OSBPL5: variants seen among roughly 807,000 people sequenced by gnomAD.
OSBPL5 encodes the protein oxysterol binding protein like 5, also known as oxysterol-binding protein-related protein 5.
Under a neutral mutation model 111.2 loss-of-function variants are expected in OSBPL5, and 71 were observed. That is an observed-to-expected ratio of 0.64 (90% CI 0.53 to 0.78). The LOEUF is 0.78. Among genes scored for constraint, OSBPL5 ranks in the 30% least tolerant of loss-of-function variants. The pLI is 0.00. For synonymous variants in OSBPL5, 549 were observed against 513.9 expected (o/e 1.07, Z -0.93); for missense variants, 1,210 against 1,189.3 (o/e 1.02, Z -0.26).
At chr11:3,163,725 C>T (rs760239331) in intron 1 of OSBPL5, among the ~76,000 whole-genome samples, 9 of 152,208 alleles carry the variant, frequency 5.9e-5, no homozygotes, top group African/African-American at 9.7e-5. Context: ...GCTCCTCATC[C>T]GGCCTATCTG....
Position 3,104,471 on chromosome 11 carries a change from C to G in OSBPL5, c.1060-94G>C, listed in dbSNP as rs1590653692. 1.4e-6 allele frequency: 2 copies of G among 1,392,394 alleles called. No individual in the cohort carries two copies. Among genetic ancestry groups the G allele is most frequent in the Admixed American group, 2.3e-5 (1 of 43,970 alleles). The allele number at this position is 1,392,394 out of a possible 1,614,324, so 86.3% of individuals were successfully genotyped here. A position where few individuals can be genotyped will look rare whatever the true frequency, so the allele number is the denominator to read the frequency against. ...CAGCTCTGGCTGGAGGAGGCTGTAC[C>G]TGCCACCCCTTAGGGTGTAAACCCC... On this transcript the variant is annotated intron_variant, in intron 9 of 21. Coordinates refer to ENST00000263650, the MANE Select transcript of OSBPL5 (RefSeq NM_020896.4). This position sits in a 1 kb window ranked among gnomAD's most constrained non-coding sequence, Gnocchi z 5.0.
intron 1 of OSBPL5, among the ~76,000 whole-genome samples, chr11:3,155,008 G>C (rs990303997): frequency 1.3e-5 from 2 of 152,308 alleles, no homozygotes; most frequent in East Asian, 3.9e-4. Context: ...ATAAAAAGAG[G>C]AGATGAGGAC....
chr11:3,114,525 G>T (rs1858133696), intron 7 of OSBPL5, among the ~76,000 whole-genome samples: 1 of 147,934 alleles, frequency 6.8e-6, no homozygotes, highest in African/African-American at 2.5e-5. Context: ...AATTATAATG[G>T]TCTTTCTAGA....
In OSBPL5 at chr11:3,105,395, G is replaced by A. The variant is rs771875179; in HGVS notation, c.1060-1018C>T. 4.7e-4 allele frequency among the ~76,000 whole-genome samples: 72 copies of A among 152,216 alleles called. No individual in the cohort carries two copies. The highest frequency in any genetic ancestry group is 9.7e-4 in the Non-Finnish European group (66 of 67,996). ...GGCACTGGCCCAGTGGACAGTGTGT[G>A]TGGACACCCAGGAGCCATGTCTGAC... On this transcript the variant is annotated intron_variant, in intron 9 of 21. Transcript: ENST00000263650. The surrounding 1 kb of genome is among the most constrained non-coding windows in gnomAD (Gnocchi z 5.2).
At chr11:3,093,426 C>G in intron 17 of OSBPL5, 101 bp downstream of exon 17, 1 of 1,506,968 alleles carries the variant, frequency 6.6e-7, no homozygotes, top group Non-Finnish European at 8.9e-7. Flanking sequence ...CTGCCAGGGA[C>G]ATCCTGGGGC....
At position 3,154,268 on chromosome 11, in the gene OSBPL5, C is replaced by G. The variant is rs985395070; in HGVS notation, c.-22+10948G>C. On this transcript the variant is annotated intron_variant, in intron 1 of 21. Transcript: ENST00000263650. This position sits in a 1 kb window ranked among gnomAD's most constrained non-coding sequence, Gnocchi z 4.9. ...GGAGAGCACGGCCCTGCGTGCAGCA[C>G]CTGCCAGTAGGTAGCAGGATGTGTC... is the stretch of plus-strand genomic sequence containing the variant. Among the ~76,000 whole-genome samples the G allele has an allele frequency of 6.6e-6, 1 of 152,256 alleles. No individual in the cohort carries two copies. The highest frequency in any genetic ancestry group is 1.9e-4 in the East Asian group (1 of 5,190).
intron 2 of OSBPL5, among the ~76,000 whole-genome samples, chr11:3,128,571 C>T (rs1858715401): frequency 6.6e-6 from 1 of 152,178 alleles, no homozygotes. Flanking sequence ...TCTCAGAGCC[C>T]AGGACCCATG....
chr11:3,113,608 C>T lies in OSBPL5; in HGVS notation c.692-5663G>A, dbSNP rs12284495. ...GGCAGAGGTAACAGTGAGCCAAGATCGCACCACTGCACTCCAGCCTGGGAG... is the reference window on the plus strand; with the variant it reads ...GGCAGAGGTAACAGTGAGCCAAGATTGCACCACTGCACTCCAGCCTGGGAG... On this transcript the variant is annotated intron_variant, in intron 7 of 21. Coordinates refer to ENST00000263650, the MANE Select transcript of OSBPL5 (RefSeq NM_020896.4). The surrounding 1 kb of genome is among the most constrained non-coding windows in gnomAD (Gnocchi z 4.8). 0.029 allele frequency among the ~76,000 whole-genome samples: 4,332 copies of T among 151,758 alleles called. 103 individuals carry two copies. The highest frequency in any genetic ancestry group is 0.068 in the Middle Eastern group (20 of 294).
chr11:3,161,805 G>A lies in OSBPL5; in HGVS notation c.-22+3411C>T, dbSNP rs1468007044. Among the ~76,000 whole-genome samples, 5 of 152,236 alleles carry A rather than the reference G, an allele frequency of 3.3e-5. No individual in the cohort carries two copies. The highest frequency in any genetic ancestry group is 9.6e-5 in the African/African-American group (4 of 41,454). On this transcript the variant is annotated intron_variant, in intron 1 of 21. Coordinates refer to ENST00000263650, the MANE Select transcript of OSBPL5 (RefSeq NM_020896.4). This position sits in a 1 kb window ranked among gnomAD's most constrained non-coding sequence, Gnocchi z 8.0. ...CTGCTTTGGAATGGGTAACGGGCCA[G>A]GAACAGAGACTCTCTCAGAGAGGCA... is the stretch of plus-strand genomic sequence containing the variant.
chr11:3,146,853 G>A lies in OSBPL5; in HGVS notation c.-21-17684C>T, dbSNP rs537036178. Among the ~76,000 whole-genome samples, 195 of 152,288 alleles carry A rather than the reference G, an allele frequency of 1.3e-3. No homozygotes were observed. Among genetic ancestry groups the A allele is most frequent in the African/African-American group, 4.6e-3 (192 of 41,556 alleles). On this transcript the variant is annotated intron_variant, in intron 1 of 21. Transcript: ENST00000263650. This position sits in a 1 kb window ranked among gnomAD's most constrained non-coding sequence, Gnocchi z 7.8. Reference sequence around the variant, plus strand: ...GATCCCCTTCGCCGTGGCTGGAGCTGGCGTTTCTATTTATGATTCGCCTCT... The same window carrying A: ...GATCCCCTTCGCCGTGGCTGGAGCTAGCGTTTCTATTTATGATTCGCCTCT...
intron 12 of OSBPL5, 114 bp from the exon 13 acceptor site, chr11:3,101,813 C>T (rs1857468426): frequency 2.3e-6 from 2 of 865,710 alleles, no homozygotes; most frequent in South Asian, 3.2e-5. Context: ...CATCTTCTCC[C>T]CCGATCCCAG....
At chr11:3,137,356 G>T (rs1339419667) in intron 1 of OSBPL5, among the ~76,000 whole-genome samples, 3 of 152,204 alleles carry the variant, frequency 2.0e-5, no homozygotes, top group Non-Finnish European at 4.4e-5. Context: ...CTGGGCCCTG[G>T]GGGGCTTGGG....
At chr11:3,122,175 G>A in intron 4 of OSBPL5, 77 bp from the exon 5 acceptor site, 1 of 1,458,912 alleles carries the variant, frequency 6.9e-7, no homozygotes, top group Non-Finnish European at 9.3e-7. Context: ...TCCAGCCCAG[G>A]GATGGGTCCA....
At chr11:3,123,776 G>A (rs1457449699) in intron 3 of OSBPL5, among the ~76,000 whole-genome samples, 1 of 152,242 alleles carries the variant, frequency 6.6e-6, no homozygotes, top group Non-Finnish European at 1.5e-5. Flanking sequence ...GGTGCTGCCT[G>A]TATTCATCCC....
intron 1 of OSBPL5, among the ~76,000 whole-genome samples, chr11:3,129,571 G>T (rs1271225814): frequency 6.6e-6 from 1 of 152,186 alleles, no homozygotes. Context: ...GGTGGGGAGG[G>T]GTCTAGAGCT....
At chr11:3,112,777 G>A (rs1858050932) in intron 7 of OSBPL5, among the ~76,000 whole-genome samples, 1 of 151,924 alleles carries the variant, frequency 6.6e-6, no homozygotes, top group Admixed American at 6.6e-5. Flanking sequence ...GTTTGATTTG[G>A]CATCCATCTT....
Position 3,129,118 on chromosome 11 carries a change from A to AGCG in OSBPL5, c.28_30dup (p.Arg10dup). 6.6e-7 allele frequency: 1 copy of AGCG among 1,504,180 alleles called. No homozygotes were observed. The highest frequency in any genetic ancestry group is 1.3e-5 in the South Asian group (1 of 78,390). 93.2% of individuals were successfully genotyped at this position (1,504,180 alleles called of 1,614,324 possible). A position where few individuals can be genotyped will look rare whatever the true frequency, so the allele number is the denominator to read the frequency against. Reference sequence around the variant, plus strand: ...GTGGAGGAAGGTGGACACAGGGAGAAGCGGCGCCGGAGGAAGGCCTCCTCC... The same window carrying AGCG: ...GTGGAGGAAGGTGGACACAGGGAGAAGCGGCGGCGCCGGAGGAAGGCCTCCTCC... On this transcript the variant is annotated inframe_insertion, in exon 2 of 22. Coordinates refer to ENST00000263650, the MANE Select transcript of OSBPL5 (RefSeq NM_020896.4).
intron 1 of OSBPL5, among the ~76,000 whole-genome samples, chr11:3,143,638 A>G (rs987371903): frequency 3.9e-5 from 6 of 152,238 alleles, no homozygotes; most frequent in Admixed American, 3.9e-4. Flanking sequence ...ACGCCCACGC[A>G]GTGTCCAGGA....
At position 3,092,191 on chromosome 11, in the gene OSBPL5, G is replaced by C. The variant is rs540759586; in HGVS notation, c.2259+241C>G. 5.3e-5 allele frequency among the ~76,000 whole-genome samples: 8 copies of C among 151,966 alleles called. No homozygotes were observed. The South Asian group carries it at 1.5e-3, about 28-fold the overall frequency. On this transcript the variant is annotated intron_variant, in intron 19 of 21. Coordinates refer to ENST00000263650, the MANE Select transcript of OSBPL5 (RefSeq NM_020896.4). The surrounding 1 kb of genome is among the most constrained non-coding windows in gnomAD (Gnocchi z 5.4). ...GCAGAGGGAGACTTTGGGGGCAGTG[G>C]ACAGAGACAGTAGACACAGGGTCCC...
Sources: gnomAD v4.1 joint callset for allele counts (sites outside exome capture counted in the v4.1 genomes callset) on GRCh38, gnomAD v4.1.1 for gene constraint, Gnocchi (gnomAD v3.1) non-coding constraint, MANE v1.5 for transcripts, NCBI Gene and HGNC (gene_info 2026-07-23, HGNC 2026-07-21) for gene names.